FRMPD4: variants seen among roughly 807,000 people sequenced by gnomAD.
The protein encoded by FRMPD4 is FERM and PDZ domain-containing protein 4.
A neutral mutation model predicts 94.1 loss-of-function variants in FRMPD4; 22 were observed. That is an observed-to-expected ratio of 0.23 (90% CI 0.17 to 0.33). The LOEUF is 0.33. Ranked by LOEUF, FRMPD4 falls within the 10% of genes least tolerant of loss-of-function variation. FRMPD4 has a pLI of 1.00. For synonymous variants in FRMPD4, 631 were observed against 548.6 expected (o/e 1.15, Z -2.10); for missense variants, 1,111 against 1,339.9 (o/e 0.83, Z 2.67).
chrX:12,033,581 A>T, intron 3 of FRMPD4, among the ~76,000 whole-genome samples: 1 of 112,015 alleles, frequency 8.9e-6, no homozygotes. Flanking sequence ...CGGGATAAAC[A>T]TCTTCATGGA....
At chrX:12,176,544 A>G (rs2056297377) in intron 1 of FRMPD4, among the ~76,000 whole-genome samples, 1 of 112,558 alleles carries the variant, frequency 8.9e-6, no homozygotes, top group South Asian at 3.6e-4. Flanking sequence ...TCTAGTATAC[A>G]TTCAGTAATT....
At chrX:12,375,687 CCAA>C (rs929649765) in intron 1 of FRMPD4, among the ~76,000 whole-genome samples, 1 of 112,311 alleles carries the variant, frequency 8.9e-6, no homozygotes, top group African/African-American at 3.2e-5. Context: ...CTCTTGCGAT[CCAA>C]CAACACCACA....
At chrX:12,712,716 A>G (rs1363655489) in intron 14 of FRMPD4, among the ~76,000 whole-genome samples, 3 of 111,955 alleles carry the variant, frequency 2.7e-5, no homozygotes, top group Admixed American at 9.4e-5. Context: ...TTGGCAGTAA[A>G]CATTTTTATG....
intron 1 of FRMPD4, among the ~76,000 whole-genome samples, chrX:12,288,599 A>C (rs779694530): frequency 9.0e-6 from 1 of 111,453 alleles, no homozygotes; most frequent in Admixed American, 9.5e-5. Context: ...TATTTTCCAA[A>C]TTCATCTTAT....
intron 2 of FRMPD4, among the ~76,000 whole-genome samples, chrX:12,563,273 C>T (rs183258776): frequency 4.5e-5 from 5 of 110,472 alleles, no homozygotes; most frequent in African/African-American, 1.7e-4. Flanking sequence ...CACACACACA[C>T]ATACCAGACC....
intron 1 of FRMPD4, among the ~76,000 whole-genome samples, chrX:12,231,030 G>GTGTGTGTATATATATATATATATA (rs2056993261): frequency 3.8e-5 from 1 of 26,410 alleles, no homozygotes; most frequent in African/African-American, 1.2e-4. Flanking sequence ...TATATATATA[G>GTGTGTGTATATATATATATATATA]TATATATATA....
At chrX:12,693,257 TTTCA>T (rs1257345631) in intron 8 of FRMPD4, among the ~76,000 whole-genome samples, 2 of 112,373 alleles carry the variant, frequency 1.8e-5, no homozygotes, top group African/African-American at 6.5e-5. Context: ...GCTGCATGGT[TTTCA>T]TTTTGTTTTG....
intron 1 of FRMPD4, among the ~76,000 whole-genome samples, chrX:11,860,450 T>C (rs778758343): frequency 2.8e-4 from 31 of 112,045 alleles, no homozygotes; most frequent in African/African-American, 9.7e-4. Context: ...AAGCAGAATT[T>C]TGATGCTACA....
chrX:12,286,023 T>C (rs912340189), intron 1 of FRMPD4, among the ~76,000 whole-genome samples: 1 of 112,345 alleles, frequency 8.9e-6, no homozygotes, highest in Non-Finnish European at 1.9e-5. Flanking sequence ...TCTACTCAGC[T>C]GACCTTCGCA....
rs201868433 is a variant in FRMPD4, at chrX:12,691,270, GTTGTT to G, written c.813+967_813+971del. Among the ~76,000 whole-genome samples, 564 of 110,414 alleles carry G rather than the reference GTTGTT, an allele frequency of 5.1e-3. 6 individuals carry two copies. Among genetic ancestry groups the G allele is most frequent in the East Asian group, 0.036 (125 of 3,511 alleles). On this transcript the variant is annotated intron_variant, in intron 8 of 16. Transcript: ENST00000675598. ...GTTTTTTGGGGTTTTTTTTGTTGTT[GTTGTT>G]TTGTTTTGTTTTGTTTTGTTTTTTT...
intron 3 of FRMPD4, among the ~76,000 whole-genome samples, chrX:12,111,416 A>G (rs1347581505): frequency 8.9e-6 from 1 of 111,782 alleles, no homozygotes; most frequent in African/African-American, 3.3e-5. Flanking sequence ...TACAAAAATT[A>G]ATTCAAGATG....
chrX:12,500,714 A>G (rs1040659822), intron 2 of FRMPD4, among the ~76,000 whole-genome samples: 1 of 111,452 alleles, frequency 9.0e-6, no homozygotes, highest in African/African-American at 3.3e-5. Context: ...AGAAAGGCCA[A>G]TAGTTTGGCT....
chrX:11,982,032 C>A (rs752743158), intron 3 of FRMPD4, among the ~76,000 whole-genome samples: 2 of 111,845 alleles, frequency 1.8e-5, no homozygotes, highest in South Asian at 7.4e-4. Flanking sequence ...TTATAAATTT[C>A]TTACTACTTT....
Position 12,371,702 on chromosome X carries a change from G to A in FRMPD4, c.42-126978G>A, listed in dbSNP as rs772255968. Among the ~76,000 whole-genome samples, 3 of 111,650 alleles carry A rather than the reference G, an allele frequency of 2.7e-5. No homozygotes were observed. In the East Asian group the frequency reaches 8.4e-4, roughly 31 times the overall value. The stretch of plus-strand genomic sequence containing the variant: ...AGTATGCTAAATACTTAGCACAGTG[G>A]CTGACACATGAGATTAATAAATATG... On this transcript the variant is annotated intron_variant, in intron 1 of 16. Coordinates refer to ENST00000675598, the MANE Select transcript of FRMPD4 (RefSeq NM_001368397.1).
rs750105350 is a variant in FRMPD4, at chrX:12,721,315, C to T, written c.4746C>T (p.Asn1582=). ...ACCCAGATGACTTGGACTTCAGCAA[C>T]CTGGCTTTTGATGCCCGGATTGCAA... The part of the protein sequence containing the change: ...LRDPDDLDFS[N]LAFDARIARI... The change falls in exon 17 of 17, where the codon AAC becomes AAT. Residue 1582 remains asparagine (N), a synonymous_variant. Transcript: ENST00000675598. The T allele has an allele frequency of 1.2e-4, 88 of 753,580 alleles. No individual in the cohort carries two copies. The highest frequency in any genetic ancestry group is 2.0e-4 in the South Asian group (3 of 14,682). The allele number at this position is 753,580 out of a possible 1,213,427, so 62.1% of individuals were successfully genotyped here. A position where few individuals can be genotyped will look rare whatever the true frequency, so the allele number is the denominator to read the frequency against.
At chrX:11,967,756 G>GTGTGTGTGTTTTTTTTTT (rs36019385) in intron 3 of FRMPD4, among the ~76,000 whole-genome samples, 1 of 65,558 alleles carries the variant, frequency 1.5e-5, no homozygotes, top group Non-Finnish European at 2.8e-5. Flanking sequence ...GTGTGTGTGT[G>GTGTGTGTGTTTTTTTTTT]TTTTTTTTTT....
intron 1 of FRMPD4, among the ~76,000 whole-genome samples, chrX:12,476,126 A>G (rs1327578197): frequency 2.7e-5 from 3 of 111,624 alleles, no homozygotes; most frequent in African/African-American, 9.8e-5. Flanking sequence ...ATATAGATCA[A>G]TGGAACAGAA....
At chrX:12,528,002 T>C (rs1350430321) in intron 2 of FRMPD4, among the ~76,000 whole-genome samples, 2 of 112,411 alleles carry the variant, frequency 1.8e-5, no homozygotes, top group Admixed American at 1.9e-4. Context: ...ATTTATTGAT[T>C]AATTGCCATA....
chrX:12,502,983 AAGTC>A (rs1403780055), intron 2 of FRMPD4, among the ~76,000 whole-genome samples: 2 of 112,210 alleles, frequency 1.8e-5, no homozygotes, highest in East Asian at 2.8e-4. Flanking sequence ...ACATGTTTAA[AAGTC>A]AGAGAATGAG....
Sources: allele counts gnomAD v4.1 joint callset (sites outside exome capture counted in the v4.1 genomes callset), GRCh38; gene constraint gnomAD v4.1.1; transcripts MANE v1.5; gene names NCBI Gene and HGNC (gene_info 2026-07-23, HGNC 2026-07-21).